CACHD1: variants seen among roughly 807,000 people sequenced by gnomAD.
CACHD1 encodes the protein VWFA and cache domain-containing protein 1.
In CACHD1, 71 loss-of-function variants were observed where a neutral mutation model predicts 138.7. The observed-to-expected ratio is 0.51, with a 90% CI of 0.42 to 0.62. The LOEUF is 0.62. Ranked by LOEUF, CACHD1 falls within the 20% of genes least tolerant of loss-of-function variation. The probability of loss-of-function intolerance (pLI) is 0.00; values close to 1 mark genes in which losing one functional copy is unlikely to be tolerated. For synonymous variants in CACHD1, 578 were observed against 591.5 expected (o/e 0.98, Z 0.33); for missense variants, 1,389 against 1,625.3 (o/e 0.85, Z 2.50).
In CACHD1 at chr1:64,602,818, C is replaced by T; in HGVS notation, c.423C>T (p.Asn141=). The T allele has an allele frequency of 3.7e-6, 6 of 1,611,420 alleles. No homozygotes were observed. Among genetic ancestry groups the T allele is most frequent in the South Asian group, 1.1e-5 (1 of 90,896 alleles). Residue 141 remains asparagine, a synonymous_variant, in exon 4 of 27, where the codon AAC becomes AAT. Coordinates refer to ENST00000651257, the MANE Select transcript of CACHD1 (RefSeq NM_020925.4). ...IPPSMMEFDG[N]FNTNVSRTIS... ...CCTATTGTTTCAGATTCGATGGGAA[C>T]TTTAATACCAATGTGTCTAGAACAA...
chr1:64,495,100 A>T (rs969775996), intron 1 of CACHD1, among the ~76,000 whole-genome samples: 1 of 152,134 alleles, frequency 6.6e-6, no homozygotes, highest in Non-Finnish European at 1.5e-5. Context: ...TACTTTACAG[A>T]TCCAGTGGTT....
At chr1:64,605,438 T>C (rs1173541942) in intron 4 of CACHD1, among the ~76,000 whole-genome samples, 18 of 152,204 alleles carry the variant, frequency 1.2e-4, no homozygotes, top group Admixed American at 1.2e-3. Context: ...AAGCATTTGC[T>C]GTTTTTATAA....
intron 2 of CACHD1, among the ~76,000 whole-genome samples, chr1:64,567,708 T>A (rs183935037): frequency 1.5e-4 from 23 of 152,338 alleles, no homozygotes; most frequent in African/African-American, 5.1e-4. Flanking sequence ...TTTTTCATAC[T>A]TTTTCTGCTG....
intron 14 of CACHD1, 45 bp downstream of exon 14, chr1:64,663,882 G>A (rs1485762693): frequency 1.2e-6 from 2 of 1,611,410 alleles, no homozygotes; most frequent in East Asian, 2.2e-5. Context: ...CCCCTCCACA[G>A]GCCCAGCAGG....
At chr1:64,616,575 T>A (rs1019443075) in intron 4 of CACHD1, among the ~76,000 whole-genome samples, 3 of 152,132 alleles carry the variant, frequency 2.0e-5, no homozygotes, top group African/African-American at 7.2e-5. Flanking sequence ...TAAGAGGTAG[T>A]TGAGTATCAG....
At chr1:64,608,860 T>G (rs1377305339) in intron 4 of CACHD1, among the ~76,000 whole-genome samples, 1 of 152,218 alleles carries the variant, frequency 6.6e-6, no homozygotes, top group Non-Finnish European at 1.5e-5. Flanking sequence ...AGTTGCCTCT[T>G]GCTCTCTTGA....
intron 16 of CACHD1, 127 bp downstream of exon 16, chr1:64,666,294 G>T (rs1288742157): frequency 5.7e-6 from 3 of 527,338 alleles, no homozygotes; most frequent in Admixed American, 3.6e-5. Context: ...AGGCCAGCTG[G>T]GATTTGAACA....
chr1:64,548,586 A>G (rs1646735365), intron 1 of CACHD1, among the ~76,000 whole-genome samples: 3 of 152,168 alleles, frequency 2.0e-5, no homozygotes, highest in Admixed American at 1.3e-4. Flanking sequence ...CAAAATGAGT[A>G]TTTCAGGATT....
chr1:64,643,122 T>C (rs1648782809), intron 8 of CACHD1, among the ~76,000 whole-genome samples: 1 of 146,544 alleles, frequency 6.8e-6, no homozygotes, highest in South Asian at 2.3e-4. Flanking sequence ...TTGTTTCTCT[T>C]GTCAACTGTG....
At chr1:64,584,404 G>C (rs755265141) in intron 3 of CACHD1, among the ~76,000 whole-genome samples, 5 of 152,188 alleles carry the variant, frequency 3.3e-5, no homozygotes, top group Non-Finnish European at 7.3e-5. Context: ...TAGTGCTCTA[G>C]AGGGGAAAAA....
Position 64,612,304 on chromosome 1 carries a change from C to T in CACHD1, c.517+9392C>T, listed in dbSNP as rs144329180. ...TTTTATAGGATTCCATATATCAATA[C>T]CATTTTTGTATGCATTTACCTTTTC... On this transcript the variant is annotated intron_variant, in intron 4 of 26. Transcript: ENST00000651257. Among the ~76,000 whole-genome samples, 318 of 152,202 alleles carry T rather than the reference C, an allele frequency of 2.1e-3. 2 individuals are homozygous for T. The highest frequency in any genetic ancestry group is 7.2e-3 in the African/African-American group (297 of 41,534).
intron 7 of CACHD1, among the ~76,000 whole-genome samples, 192 bp downstream of exon 7, chr1:64,634,452 TG>T (rs1291482287): frequency 2.6e-5 from 4 of 152,022 alleles, no homozygotes; most frequent in Non-Finnish European, 5.9e-5. Context: ...GGTGTGATCA[TG>T]GCTCACTCCA....
chr1:64,569,397 G>A (rs894227289), intron 2 of CACHD1, among the ~76,000 whole-genome samples: 3 of 152,080 alleles, frequency 2.0e-5, no homozygotes, highest in African/African-American at 7.3e-5. Context: ...TCTGGTTACA[G>A]GTTTTTTTTA....
intron 26 of CACHD1, 22 bp downstream of exon 26, chr1:64,682,128 T>G: frequency 6.2e-7 from 1 of 1,606,056 alleles, no homozygotes; most frequent in South Asian, 1.1e-5. Context: ...CTTCCTGCAT[T>G]TGAAGACCCA....
rs1300921356 is a variant in CACHD1, at chr1:64,470,737, G to T, written c.-8G>T. The T allele has an allele frequency of 6.7e-6, 4 of 598,258 alleles. No individual in the cohort carries two copies. The highest frequency in any genetic ancestry group is 1.1e-5 in the Non-Finnish European group (4 of 365,140). The allele number at this position is 598,258 out of a possible 1,614,324, so 37.1% of individuals were successfully genotyped here. On this transcript the variant is annotated 5_prime_UTR_variant, in exon 1 of 27. Coordinates refer to ENST00000651257, the MANE Select transcript of CACHD1 (RefSeq NM_020925.4). This position sits in a 1 kb window ranked among gnomAD's most constrained non-coding sequence, Gnocchi z 5.2. ...GGAGCCCGTCGGCGGGGAGTGGGGG[G>T]AGGCAGCATGGCCCGCCAGCCGGAG...
At position 64,483,874 on chromosome 1, in the gene CACHD1, CCT is replaced by C. The variant is rs200119807; in HGVS notation, c.198+12933_198+12934del. Among the ~76,000 whole-genome samples, 55 of 146,252 alleles carry C rather than the reference CCT, an allele frequency of 3.8e-4. 1 individual carries two copies. The highest frequency in any genetic ancestry group is 2.8e-3 in the South Asian group (12 of 4,332). ...CCTTATCTTTTACCTTCCCCCCCCC[CCT>C]TGCATATAACTCTGTTCTTTCAGCA... On this transcript the variant is annotated intron_variant, in intron 1 of 26. Transcript: ENST00000651257.
intron 1 of CACHD1, among the ~76,000 whole-genome samples, chr1:64,477,036 CAGTT>C (rs543482935): frequency 1.6e-4 from 25 of 152,158 alleles, no homozygotes; most frequent in Non-Finnish European, 3.2e-4. Context: ...TTGACTCAGC[CAGTT>C]AGTTATTAAC....
rs367863589 is a variant in CACHD1 at position 64,671,456 on chromosome 1, A to T, written c.2388-108A>T. On this transcript the variant is annotated intron_variant, in intron 16 of 26. Coordinates refer to ENST00000651257, the MANE Select transcript of CACHD1 (RefSeq NM_020925.4). ...TTGTAGGTGGGAAAAGTAGGGAGGA[A>T]CAGTGGGAAGGTATTTCTAATACCA... 4 of 1,145,664 alleles carry T rather than the reference A, an allele frequency of 3.5e-6. No individual in the cohort carries two copies. The East Asian group carries it at 9.5e-5, about 27-fold the overall frequency. The allele number at this position is 1,145,664 out of a possible 1,614,324, so 71.0% of individuals were successfully genotyped here.
chr1:64,522,744 G>T (rs559053347), intron 1 of CACHD1, among the ~76,000 whole-genome samples: 1 of 152,126 alleles, frequency 6.6e-6, no homozygotes, highest in East Asian at 1.9e-4. Context: ...AGTCCTTGAG[G>T]CATAGGCAAA....
Sources: gnomAD v4.1 joint callset for allele counts (sites outside exome capture counted in the v4.1 genomes callset) on GRCh38, gnomAD v4.1.1 for gene constraint, Gnocchi (gnomAD v3.1) non-coding constraint, MANE v1.5 for transcripts, NCBI Gene and HGNC (gene_info 2026-07-23, HGNC 2026-07-21) for gene names.